The following PLD5 variants were observed in gnomAD, a reference collection of about 807,000 sequenced individuals.
PLD5 encodes the protein inactive phospholipase D5.
Under a neutral mutation model 61.1 loss-of-function variants are expected in PLD5, and 36 were observed. The ratio of observed to expected loss-of-function variants is 0.59; its 90% CI spans 0.45 to 0.78. The LOEUF is 0.78. Among genes scored for constraint, PLD5 ranks in the 30% least tolerant of loss-of-function variants. The pLI is 0.00. For synonymous variants in PLD5, 243 were observed against 242.8 expected (o/e 1.00, Z -0.01); for missense variants, 515 against 644.4 (o/e 0.80, Z 2.17).
chr1:242,176,191 C>T (rs1467685338), intron 5 of PLD5, among the ~76,000 whole-genome samples: 1 of 152,124 alleles, frequency 6.6e-6, no homozygotes, highest in Non-Finnish European at 1.5e-5. Flanking sequence ...AACTATACTA[C>T]AAAGCTACAG....
chr1:242,459,476 A>C (rs1667047352), intron 1 of PLD5, among the ~76,000 whole-genome samples: 1 of 152,176 alleles, frequency 6.6e-6, no homozygotes, highest in South Asian at 2.1e-4. Context: ...TTTATTGTTC[A>C]TGTGTAAAAT....
intron 1 of PLD5, among the ~76,000 whole-genome samples, chr1:242,494,316 C>T (rs1324407763): frequency 2.6e-5 from 4 of 152,136 alleles, no homozygotes; most frequent in African/African-American, 9.7e-5. Context: ...TGGCAGCCCC[C>T]ATTTAAATGC....
intron 1 of PLD5, among the ~76,000 whole-genome samples, chr1:242,428,820 C>T (rs557851373): frequency 6.6e-6 from 1 of 152,142 alleles, no homozygotes; most frequent in East Asian, 1.9e-4. Flanking sequence ...GAAGAAATCA[C>T]GATGATAAAA....
rs1178574123 is a variant in PLD5 at position 242,254,486 on chromosome 1, A to G, written c.607+10851T>C. Among the ~76,000 whole-genome samples, 7 of 152,306 alleles carry G rather than the reference A, an allele frequency of 4.6e-5. No homozygotes were observed. In the East Asian group the frequency reaches 1.2e-3, roughly 25 times the overall value. On this transcript the variant is annotated intron_variant, in intron 4 of 9. Transcript: ENST00000536534. ...GGAGTTCAACACCAGCCTGGCCAAC[A>G]TGGCGAAACCCCATCTCTACCAAAA...
intron 5 of PLD5, among the ~76,000 whole-genome samples, chr1:242,125,797 TC>T (rs1456656385): frequency 6.6e-5 from 10 of 152,104 alleles, no homozygotes; most frequent in African/African-American, 2.2e-4. Flanking sequence ...TGAACCTGTC[TC>T]TCTTTGCTCC....
chr1:242,412,530 C>A (rs1664613384), intron 1 of PLD5, among the ~76,000 whole-genome samples: 1 of 152,150 alleles, frequency 6.6e-6, no homozygotes, highest in Admixed American at 6.5e-5. Flanking sequence ...CTGGACAGTT[C>A]TTAATTTTGT....
chr1:242,506,285 A>G (rs966967464), intron 1 of PLD5, among the ~76,000 whole-genome samples: 1 of 152,184 alleles, frequency 6.6e-6, no homozygotes, highest in Non-Finnish European at 1.5e-5. Flanking sequence ...GTTACATATT[A>G]TCTGTTCTCT....
chr1:242,362,810 C>T (rs1349023962), intron 1 of PLD5, among the ~76,000 whole-genome samples: 2 of 152,080 alleles, frequency 1.3e-5, no homozygotes, highest in South Asian at 2.1e-4. Context: ...TCACTCTGTA[C>T]CCCTTTCCTG....
intron 5 of PLD5, among the ~76,000 whole-genome samples, chr1:242,198,416 C>A (rs1006906523): frequency 6.6e-6 from 1 of 151,826 alleles, no homozygotes; most frequent in Non-Finnish European, 1.5e-5. Flanking sequence ...GCGGTAGAAG[C>A]AACTCCCCAG....
At chr1:242,387,887 G>A (rs1486598721) in intron 1 of PLD5, among the ~76,000 whole-genome samples, 1 of 152,158 alleles carries the variant, frequency 6.6e-6, no homozygotes, top group Non-Finnish European at 1.5e-5. Flanking sequence ...GTAGTTGACA[G>A]AGACTGAAAA....
Position 242,325,778 on chromosome 1 carries a change from C to T in PLD5, c.326+22328G>A, listed in dbSNP as rs374624007. 6.4e-4 allele frequency among the ~76,000 whole-genome samples: 98 copies of T among 152,280 alleles called. No individual in the cohort carries two copies. In the Middle Eastern group the frequency reaches 0.014, roughly 21 times the overall value. ...AAGACATCCACAGACCTACACCTTCCCTGCCATCCCAAAGCTCTCAGAACT... is the reference window on the plus strand; with the variant it reads ...AAGACATCCACAGACCTACACCTTCTCTGCCATCCCAAAGCTCTCAGAACT... On this transcript the variant is annotated intron_variant, in intron 2 of 9. Transcript: ENST00000536534.
rs865811318 is a variant in PLD5, at chr1:242,358,627, T to C, written c.190-10385A>G. Among the ~76,000 whole-genome samples, 3 of 151,636 alleles carry C rather than the reference T, an allele frequency of 2.0e-5. No homozygotes were observed. The Middle Eastern group carries it at 0.01, about 519-fold the overall frequency. On this transcript the variant is annotated intron_variant, in intron 1 of 9. Coordinates refer to ENST00000536534, the MANE Select transcript of PLD5 (RefSeq NM_001372062.1). ...AAAGTCACTTCTGATCTGGCTGGGC[T>C]ACAGAGTATATTCTCCAGCTGGAAT...
intron 5 of PLD5, among the ~76,000 whole-genome samples, chr1:242,133,019 C>G (rs956891554): frequency 5.5e-4 from 84 of 151,788 alleles, no homozygotes; most frequent in Admixed American, 1.2e-3. Context: ...CCACTCCCCC[C>G]TCTCTTCCCA....
chr1:242,267,881 C>T (rs1210200890), intron 3 of PLD5, among the ~76,000 whole-genome samples: 1 of 111,134 alleles, frequency 9.0e-6, no homozygotes, highest in Non-Finnish European at 1.7e-5. Context: ...ACCCCATCTC[C>T]AAAAATTAAA....
chr1:242,189,501 G>T (rs1319662594), intron 5 of PLD5, among the ~76,000 whole-genome samples: 1 of 151,360 alleles, frequency 6.6e-6, no homozygotes, highest in Non-Finnish European at 1.5e-5. Flanking sequence ...CTGGGCTGGG[G>T]TGTTCATCTG....
intron 1 of PLD5, among the ~76,000 whole-genome samples, chr1:242,441,602 TCC>T (rs1666277407): frequency 6.6e-6 from 1 of 152,172 alleles, no homozygotes; most frequent in Non-Finnish European, 1.5e-5. Context: ...AATTTATATT[TCC>T]TGACTTTAGA....
At chr1:242,176,847 A>T (rs552022618) in intron 5 of PLD5, among the ~76,000 whole-genome samples, 1 of 152,328 alleles carries the variant, frequency 6.6e-6, no homozygotes, top group South Asian at 2.1e-4. Flanking sequence ...CTGGTCATCA[A>T]ATAAATGCAA....
chr1:242,367,917 A>G (rs1483585800), intron 1 of PLD5, among the ~76,000 whole-genome samples: 1 of 152,202 alleles, frequency 6.6e-6, no homozygotes, highest in South Asian at 2.1e-4. Context: ...GATGGACTGA[A>G]TATCAAATGG....
upstream of PLD5, among the ~76,000 whole-genome samples, chr1:242,526,493 T>A (rs1669450815): frequency 6.6e-6 from 1 of 152,224 alleles, no homozygotes; most frequent in African/African-American, 2.4e-5. Context: ...TGGAGTGCAG[T>A]GGCGCCATCT....
Sources: gnomAD v4.1 joint callset for allele counts (sites outside exome capture counted in the v4.1 genomes callset) on GRCh38, gnomAD v4.1.1 for gene constraint, MANE v1.5 for transcripts, NCBI Gene and HGNC (gene_info 2026-07-23, HGNC 2026-07-21) for gene names.